DCDC2: variants seen among roughly 807,000 people sequenced by gnomAD.
DCDC2 encodes the protein doublecortin domain-containing protein 2.
In DCDC2, 40 loss-of-function variants were observed where a neutral mutation model predicts 50.2. The ratio of observed to expected loss-of-function variants is 0.80; its 90% CI spans 0.62 to 1.04. The LOEUF (loss-of-function observed/expected upper bound fraction) is 1.04. Ranked by LOEUF, DCDC2 falls within the 50% of genes least tolerant of loss-of-function variation. The pLI is 0.00. For synonymous variants in DCDC2, 234 were observed against 210.6 expected (o/e 1.11, Z -0.96); for missense variants, 570 against 581.9 (o/e 0.98, Z 0.21).
chr6:24,220,607 T>G (rs929928751), intron 7 of DCDC2, among the ~76,000 whole-genome samples: 2 of 152,242 alleles, frequency 1.3e-5, no homozygotes, highest in African/African-American at 4.8e-5. Context: ...TATGTGAGTA[T>G]TCTGGATCAG....
intron 7 of DCDC2, among the ~76,000 whole-genome samples, chr6:24,207,045 A>C (rs142353600): frequency 6.6e-6 from 1 of 152,332 alleles, no homozygotes; most frequent in South Asian, 2.1e-4. Context: ...TAGAATTTTC[A>C]TTTTTACCAT....
upstream of DCDC2, among the ~76,000 whole-genome samples, chr6:24,358,943 A>ATTATATATT (rs1561788632): frequency 3.3e-3 from 179 of 54,188 alleles, 1 homozygote; most frequent in Non-Finnish European, 4.2e-3. Flanking sequence ...TATTTTATAT[A>ATTATATATT]TTATATATTA....
intron 7 of DCDC2, among the ~76,000 whole-genome samples, chr6:24,237,215 A>G (rs555827303): frequency 2.0e-5 from 3 of 151,826 alleles, no homozygotes; most frequent in African/African-American, 4.8e-5. Flanking sequence ...CCTAATTGAG[A>G]GCAGAGGGTG....
At chr6:24,233,616 GT>G (rs2113785128) in intron 7 of DCDC2, among the ~76,000 whole-genome samples, 1 of 152,288 alleles carries the variant, frequency 6.6e-6, no homozygotes, top group South Asian at 2.1e-4. Context: ...CAGTGAGGCA[GT>G]TTAATTAGAA....
intron 7 of DCDC2, among the ~76,000 whole-genome samples, chr6:24,234,509 A>G (rs1429244433): frequency 6.6e-6 from 1 of 152,130 alleles, no homozygotes; most frequent in Non-Finnish European, 1.5e-5. Flanking sequence ...AAGAAAGGGC[A>G]CCTGTTAGGA....
intron 7 of DCDC2, among the ~76,000 whole-genome samples, chr6:24,260,029 T>C (rs1436586030): frequency 6.6e-6 from 1 of 152,206 alleles, no homozygotes; most frequent in Non-Finnish European, 1.5e-5. Context: ...TAAGGTTATT[T>C]TTAGTTTTTT....
intron 7 of DCDC2, among the ~76,000 whole-genome samples, chr6:24,232,623 C>A (rs955931437): frequency 6.6e-6 from 1 of 152,202 alleles, no homozygotes; most frequent in Non-Finnish European, 1.5e-5. Context: ...TTCACTTACA[C>A]CAGCCATGCT....
chr6:24,370,666 T>C, the DCDC2 span, among the ~76,000 whole-genome samples: 5 of 152,168 alleles, frequency 3.3e-5, no homozygotes, highest in Admixed American at 6.5e-5. Context: ...GCTGTTTTTA[T>C]GCAACTGCAC....
intron 2 of DCDC2, among the ~76,000 whole-genome samples, chr6:24,308,581 G>A (rs1009373078): frequency 5.9e-5 from 9 of 152,038 alleles, no homozygotes; most frequent in African/African-American, 1.7e-4. Flanking sequence ...ATGACGACCC[G>A]TTATCAAGAG....
At chr6:24,277,195 G>C (rs1013148601) in intron 7 of DCDC2, among the ~76,000 whole-genome samples, 2 of 152,176 alleles carry the variant, frequency 1.3e-5, no homozygotes, top group South Asian at 4.1e-4. Context: ...TGGAAGGTAA[G>C]GCTTTGCCCA....
At chr6:24,214,492 C>T (rs1034958941) in intron 7 of DCDC2, among the ~76,000 whole-genome samples, 2 of 151,958 alleles carry the variant, frequency 1.3e-5, no homozygotes, top group African/African-American at 2.4e-5. Flanking sequence ...TATAATAATG[C>T]TTATTTCCTA....
At chr6:24,297,477 AAAG>A (rs1253212776) in intron 4 of DCDC2, among the ~76,000 whole-genome samples, 10 of 152,222 alleles carry the variant, frequency 6.6e-5, no homozygotes, top group African/African-American at 1.9e-4. Context: ...GTTTAAAAAA[AAAG>A]AAGTTTCTCT....
At chr6:24,322,463 C>T (rs751083606) in intron 2 of DCDC2, among the ~76,000 whole-genome samples, 6 of 150,722 alleles carry the variant, frequency 4.0e-5, no homozygotes, top group Non-Finnish European at 7.4e-5. Context: ...ACATTCTATA[C>T]GAATCTCCTT....
intron 7 of DCDC2, among the ~76,000 whole-genome samples, chr6:24,207,026 T>C (rs1289907049): frequency 6.6e-6 from 1 of 152,182 alleles, no homozygotes; most frequent in Non-Finnish European, 1.5e-5. Flanking sequence ...GCCTTTGTGA[T>C]AGGCCTACTA....
chr6:24,276,912 G>T (rs754648660), intron 7 of DCDC2, among the ~76,000 whole-genome samples: 1 of 151,968 alleles, frequency 6.6e-6, no homozygotes, highest in Non-Finnish European at 1.5e-5. Flanking sequence ...GAGCTGGGAC[G>T]AGAATCTAGG....
At chr6:24,192,675 A>C (rs1479450569) in intron 8 of DCDC2, among the ~76,000 whole-genome samples, 1 of 152,122 alleles carries the variant, frequency 6.6e-6, no homozygotes, top group Non-Finnish European at 1.5e-5. Context: ...ATGACTAGGA[A>C]ATAATCAAAG....
intron 7 of DCDC2, among the ~76,000 whole-genome samples, chr6:24,251,149 C>G (rs188637855): frequency 6.6e-6 from 1 of 152,158 alleles, no homozygotes; most frequent in South Asian, 2.1e-4. Flanking sequence ...TTATTAATCT[C>G]CAATAGCACT....
At position 24,290,914 on chromosome 6, in the gene DCDC2, G is replaced by A; in HGVS notation, c.704+18C>T. 1 of 1,605,082 alleles carries A rather than the reference G, an allele frequency of 6.2e-7. No homozygotes were observed. The highest frequency in any genetic ancestry group is 1.1e-5 in the South Asian group (1 of 89,432). On this transcript the variant is annotated intron_variant, in intron 5 of 9. Coordinates refer to ENST00000378454, the MANE Select transcript of DCDC2 (RefSeq NM_016356.5). ...AGTGGTAACTAAAGCATGAGGAGTGGTAAGGAGTAAGACTTACCCAAAAGG... is the reference window on the plus strand; with the variant it reads ...AGTGGTAACTAAAGCATGAGGAGTGATAAGGAGTAAGACTTACCCAAAAGG...
the DCDC2 span, among the ~76,000 whole-genome samples, chr6:24,375,515 T>A: frequency 6.6e-6 from 1 of 152,316 alleles, no homozygotes; most frequent in East Asian, 1.9e-4. Flanking sequence ...ATAAATATTG[T>A]TATTCTCTCT....
Sources: allele counts gnomAD v4.1 joint callset (sites outside exome capture counted in the v4.1 genomes callset), GRCh38; gene constraint gnomAD v4.1.1; transcripts MANE v1.5; gene names NCBI Gene and HGNC (gene_info 2026-07-23, HGNC 2026-07-21).